The following TSC2 variants were observed in gnomAD, a reference collection of about 807,000 sequenced individuals.
TSC2 encodes TSC complex subunit 2, also known as tuberin.
In TSC2, 29 loss-of-function variants were observed where a neutral mutation model predicts 202.2. That is an observed-to-expected ratio of 0.14 (90% CI 0.11 to 0.20). TSC2 has a LOEUF of 0.20. Among genes scored for constraint, TSC2 ranks in the 10% least tolerant of loss-of-function variants. The pLI, the probability that TSC2 is intolerant of heterozygous loss-of-function variation, is 1.00. For synonymous variants in TSC2, 1,349 were observed against 1,044.0 expected (o/e 1.29, Z -5.63); for missense variants, 2,429 against 2,420.0 (o/e 1.00, Z -0.08).
chr16:2,084,158 T>G, intron 33 of TSC2, 70 bp from the exon 34 acceptor site: 4 of 1,549,784 alleles, frequency 2.6e-6, no homozygotes, highest in Non-Finnish European at 3.5e-6. Context: ...CCTCACCACC[T>G]CCAGGTCAAC....
intron 13 of TSC2, 49 bp from the exon 14 acceptor site, chr16:2,062,923 G>C: frequency 6.5e-7 from 1 of 1,538,698 alleles, no homozygotes; most frequent in East Asian, 2.4e-5. Context: ...CTGGTGTGGG[G>C]CTGTGGCCGG....
chr16:2,072,474 C>T (rs1567468528), intron 20 of TSC2, 111 bp downstream of exon 20: 1 of 1,505,462 alleles, frequency 6.6e-7, no homozygotes, highest in Middle Eastern at 2.3e-4. Context: ...GGCTCCATTT[C>T]CCTCAAACTC....
chr16:2,060,148 G>GT (rs2086451317), intron 10 of TSC2, among the ~76,000 whole-genome samples: 1 of 151,020 alleles, frequency 6.6e-6, no homozygotes. Context: ...TACAGCTTCA[G>GT]TTTCCGCAGT....
Position 2,065,903 on chromosome 16 carries a change from G to A in TSC2, c.1716+268G>A, listed in dbSNP as rs768415741. On this transcript the variant is annotated intron_variant, in intron 16 of 41. Coordinates refer to ENST00000219476, the MANE Select transcript of TSC2 (RefSeq NM_000548.5). ...AACCATGTACCATCCTCAGCGTGGC[G>A]CTTGCCCTCGTCACCCAGCACAGCA... Among the ~76,000 whole-genome samples, 5 of 152,322 alleles carry A rather than the reference G, an allele frequency of 3.3e-5. No homozygotes were observed. The South Asian group carries it at 1.0e-3, about 32-fold the overall frequency.
At position 2,086,383 on chromosome 16, in the gene TSC2, C is replaced by T. The variant is rs370426490; in HGVS notation, c.4849+4C>T. 3.3e-5 allele frequency: 53 copies of T among 1,611,826 alleles called. No individual in the cohort carries two copies. Among genetic ancestry groups the T allele is most frequent in the Middle Eastern group, 3.3e-4 (2 of 6,058 alleles). ...TGGCACGATGACATCATGCAAGGTA[C>T]GGCCTGGCGCCTACCCGCTCCTGCT... On this transcript the variant is annotated splice_donor_region_variant and intron_variant, in intron 37 of 41. Coordinates refer to ENST00000219476, the MANE Select transcript of TSC2 (RefSeq NM_000548.5).
Position 2,055,573 on chromosome 16 carries a change from A to G in TSC2, c.599+54A>G, listed in dbSNP as rs2085688668. 10 of 1,538,154 alleles carry G rather than the reference A, an allele frequency of 6.5e-6. No individual in the cohort carries two copies. In the South Asian group the frequency reaches 7.8e-5, roughly 12 times the overall value. ...ATAATGGTCCTAAGTTCAGCTCCGCAGTGAATAAAGTTGAAACCACCAAAA... is the reference window on the plus strand; with the variant it reads ...ATAATGGTCCTAAGTTCAGCTCCGCGGTGAATAAAGTTGAAACCACCAAAA... On this transcript the variant is annotated intron_variant, in intron 6 of 41. Coordinates refer to ENST00000219476, the MANE Select transcript of TSC2 (RefSeq NM_000548.5).
At chr16:2,069,050 G>T (rs1567451904) in intron 16 of TSC2, among the ~76,000 whole-genome samples, 2 of 152,090 alleles carry the variant, frequency 1.3e-5, no homozygotes, top group African/African-American at 2.4e-5. Flanking sequence ...AAGAAAATTG[G>T]CATGTAAGTG....
intron 40 of TSC2, 27 bp downstream of exon 40, chr16:2,088,166 G>A (rs747214158): frequency 3.7e-6 from 6 of 1,613,028 alleles, no homozygotes. Flanking sequence ...CCAGGCGTGA[G>A]CTGGTGGGAC....
chr16:2,059,676 C>T (rs2086391673), intron 10 of TSC2, among the ~76,000 whole-genome samples: 1 of 152,090 alleles, frequency 6.6e-6, no homozygotes, highest in Non-Finnish European at 1.5e-5. Flanking sequence ...TGGGCCACTA[C>T]ACACAGCTAA....
At chr16:2,086,461 G>T in intron 37 of TSC2, 82 bp downstream of exon 37, 1 of 1,551,080 alleles carries the variant, frequency 6.4e-7, no homozygotes, top group Non-Finnish European at 8.7e-7. Context: ...CCACGCCCTG[G>T]GGCATGGCCC....
chr16:2,069,122 A>G (rs1442822381), intron 16 of TSC2, among the ~76,000 whole-genome samples: 7 of 152,180 alleles, frequency 4.6e-5, no homozygotes, highest in African/African-American at 1.4e-4. Context: ...GGACACGGTG[A>G]CAAGTTTGAT....
intron 16 of TSC2, among the ~76,000 whole-genome samples, chr16:2,069,347 C>T (rs541880338): frequency 1.4e-4 from 21 of 152,120 alleles, no homozygotes; most frequent in Admixed American, 3.9e-4. Context: ...GATGGAGTCT[C>T]GCTCTGTCGC....
intron 41 of TSC2, 49 bp from the exon 42 acceptor site, chr16:2,088,397 C>A (rs13332221): frequency 3.1e-6 from 5 of 1,612,122 alleles, no homozygotes; most frequent in Non-Finnish European, 4.2e-6. Flanking sequence ...GTGGGCAGAG[C>A]GGTTGCCACG....
intron 6 of TSC2, 110 bp from the exon 7 acceptor site, chr16:2,056,086 G>GGA: frequency 7.0e-7 from 1 of 1,431,994 alleles, no homozygotes. Flanking sequence ...GGACCCCCAG[G>GGA]GAGGATGAGC....
At chr16:2,087,737 G>T (rs1430012357) in intron 38 of TSC2, 126 bp from the exon 39 acceptor site, 1 of 1,214,606 alleles carries the variant, frequency 8.2e-7, no homozygotes. Context: ...CTGCCAGAGG[G>T]GAAAGTTCAG....
intron 10 of TSC2, among the ~76,000 whole-genome samples, chr16:2,059,768 C>T (rs541980923): frequency 7.2e-5 from 11 of 152,324 alleles, no homozygotes; most frequent in African/African-American, 2.4e-4. Flanking sequence ...ATCCGCCAGC[C>T]TCAGCCTCCC....
At chr16:2,061,807 C>T (rs1165652082) in intron 11 of TSC2, 64 bp from the exon 12 acceptor site, 7 of 1,612,770 alleles carry the variant, frequency 4.3e-6, no homozygotes, top group Non-Finnish European at 4.2e-6. Context: ...TGTAGCGAGG[C>T]CTCTGGTGCC....
chr16:2,088,708 T>G lies in TSC2; in HGVS notation c.*98T>G, dbSNP rs567432587. ...CAGTGCACAGACATAGAGGCACAGATTGCAGTCAGACAGCTCTTTTATTGA... is the reference window on the plus strand; with the variant it reads ...CAGTGCACAGACATAGAGGCACAGAGTGCAGTCAGACAGCTCTTTTATTGA... On this transcript the variant is annotated 3_prime_UTR_variant, in exon 42 of 42. Coordinates refer to ENST00000219476, the MANE Select transcript of TSC2 (RefSeq NM_000548.5). 4.1e-6 allele frequency: 6 copies of G among 1,461,242 alleles called. No individual in the cohort carries two copies. Among genetic ancestry groups the G allele is most frequent in the Admixed American group, 4.2e-5 (2 of 48,182 alleles). The allele number at this position is 1,461,242 out of a possible 1,614,324, so 90.5% of individuals were successfully genotyped here. A position where few individuals can be genotyped will look rare whatever the true frequency, so the allele number is the denominator to read the frequency against.
Position 2,077,613 on chromosome 16 carries a change from A to C in TSC2, c.2853A>C (p.Arg951Ser), listed in dbSNP as rs45517273. The change falls in exon 26 of 42, where the codon AGA (arginine) becomes AGC (serine). Residue 951 changes from arginine (R) to serine (S), a missense_variant. By Grantham distance (110) the Arg-to-Ser change is moderately radical (BLOSUM62 -1). Transcript: ENST00000219476. The stretch of plus-strand genomic sequence containing the variant: ...CACCCGATAGTCTGAGGATAGCCAG[A>C]CCCCCCAAACAAGGCTTGAATAACT... ...NERPKSLRIA[R>S]PPKQGLNNSP... is the part of the protein sequence containing the mutation. The C allele has an allele frequency of 6.2e-7, 1 of 1,612,790 alleles. No individual in the cohort carries two copies.
Sources: allele counts gnomAD v4.1 joint callset (sites outside exome capture counted in the v4.1 genomes callset), GRCh38; gene constraint gnomAD v4.1.1; transcripts MANE v1.5; gene names NCBI Gene and HGNC (gene_info 2026-07-23, HGNC 2026-07-21).